Variants in IFT43 observed in about 807,000 individuals in gnomAD.
IFT43 encodes the protein intraflagellar transport 43.
IFT43 carries 33 observed loss-of-function variants against 32.3 expected under a neutral mutation model. The observed-to-expected ratio is 1.02, with a 90% CI of 0.77 to 1.37. The LOEUF (loss-of-function observed/expected upper bound fraction) is 1.37. IFT43 is among the 40% of genes most tolerant of loss of function. The probability of loss-of-function intolerance (pLI) is 0.00; values close to 1 mark genes in which losing one functional copy is unlikely to be tolerated. For missense variants in IFT43, 274 were observed against 265.9 expected, an observed-to-expected ratio of 1.03 and a Z score of -0.21; for synonymous variants, 93 against 98.2, an observed-to-expected ratio of 0.95 and a Z score of 0.31.
downstream of IFT43, chr14:76,084,067 G>A: frequency 2.3e-6 from 1 of 434,620 alleles, no homozygotes; most frequent in Non-Finnish European, 4.6e-6. Flanking sequence ...GGCGGCGGGA[G>A]GGATAAGGAG....
At chr14:76,046,449 T>A (rs1594842813) in intron 3 of IFT43, among the ~76,000 whole-genome samples, 1 of 151,576 alleles carries the variant, frequency 6.6e-6, no homozygotes, top group Non-Finnish European at 1.5e-5. Context: ...AAGTGGTGGG[T>A]CCCCAGAAGC....
intron 5 of IFT43, among the ~76,000 whole-genome samples, chr14:76,079,496 A>C (rs138435056): frequency 6.6e-6 from 1 of 152,266 alleles, no homozygotes; most frequent in East Asian, 1.9e-4. Context: ...AAGTCACACA[A>C]CTAGTAGGTC....
intron 2 of IFT43, among the ~76,000 whole-genome samples, chr14:76,021,549 C>G (rs1386945797): frequency 1.3e-5 from 2 of 152,122 alleles, no homozygotes; most frequent in Non-Finnish European, 2.9e-5. Context: ...TAAAATGTAT[C>G]AAACTTTCTT....
intron 3 of IFT43, among the ~76,000 whole-genome samples, chr14:76,050,806 T>G (rs755793488): frequency 2.0e-5 from 3 of 152,154 alleles, no homozygotes; most frequent in Non-Finnish European, 2.9e-5. Flanking sequence ...AATAAAAAAA[T>G]GTTCATTTGA....
rs765534950 is a variant in IFT43, at chr14:75,985,851, A to G, written c.54+11A>G. On this transcript the variant is annotated intron_variant, in intron 1 of 8. Transcript: ENST00000314067. ...AGCTTGGCTACCTCCGTGAGGACCA[A>G]TTCGGGGGCCTTGGGGGCCAGGATT... 6 of 1,613,582 alleles carry G rather than the reference A, an allele frequency of 3.7e-6. No homozygotes were observed. Among genetic ancestry groups the G allele is most frequent in the South Asian group, 1.1e-5 (1 of 91,048 alleles).
At chr14:76,057,528 G>A (rs1472354063) in intron 3 of IFT43, among the ~76,000 whole-genome samples, 5 of 144,476 alleles carry the variant, frequency 3.5e-5, no homozygotes, top group African/African-American at 1.3e-4. Flanking sequence ...ACTGTGCCTG[G>A]CTGAAATTTT....
At chr14:76,075,485 T>G (rs889494938) in intron 5 of IFT43, among the ~76,000 whole-genome samples, 2 of 152,234 alleles carry the variant, frequency 1.3e-5, no homozygotes, top group African/African-American at 4.8e-5. Flanking sequence ...TTTTAAAAAA[T>G]TCTCCATTTT....
chr14:75,992,309 G>A (rs1221380879), intron 2 of IFT43, among the ~76,000 whole-genome samples: 2 of 152,178 alleles, frequency 1.3e-5, no homozygotes, highest in Non-Finnish European at 2.9e-5. Context: ...TGATATGGGG[G>A]CAAGTGAGAT....
At chr14:75,985,945 C>T (rs1042180646) in intron 1 of IFT43, 105 bp downstream of exon 1, 348 of 1,545,604 alleles carry the variant, frequency 2.3e-4, no homozygotes, top group Non-Finnish European at 2.8e-4. Context: ...GCAGGCCTCG[C>T]GCCGCGCCGG....
intron 2 of IFT43, among the ~76,000 whole-genome samples, chr14:75,998,915 T>G (rs1269190110): frequency 6.6e-6 from 1 of 152,146 alleles, no homozygotes; most frequent in African/African-American, 2.4e-5. Context: ...TTTTATTTTT[T>G]GTAGAGACAA....
chr14:75,996,410 T>C (rs559343187), intron 2 of IFT43, among the ~76,000 whole-genome samples: 1 of 152,340 alleles, frequency 6.6e-6, no homozygotes, highest in African/African-American at 2.4e-5. Flanking sequence ...TATAAAGCTC[T>C]TAGAGCAGTG....
chr14:76,010,250 G>A (rs1198531038), intron 2 of IFT43, among the ~76,000 whole-genome samples: 1 of 152,218 alleles, frequency 6.6e-6, no homozygotes, highest in African/African-American at 2.4e-5. Context: ...GAGACCCCGT[G>A]TTTTGGGTGT....
chr14:76,001,698 G>A (rs1337472528), intron 2 of IFT43, among the ~76,000 whole-genome samples: 8 of 152,222 alleles, frequency 5.3e-5, no homozygotes, highest in Admixed American at 4.6e-4. Context: ...CACAGAGTGA[G>A]TAATTTATGA....
intron 5 of IFT43, among the ~76,000 whole-genome samples, chr14:76,071,319 T>C (rs2037316615): frequency 1.3e-5 from 2 of 152,228 alleles, no homozygotes; most frequent in Non-Finnish European, 2.9e-5. Flanking sequence ...CCAGGCGTTA[T>C]GCCGACTGCT....
rs2037092281 is a variant in IFT43 at position 76,059,629 on chromosome 14, C to T, written c.295+256C>T. The stretch of plus-strand genomic sequence containing the variant: ...GCATCACTTCCCCTGAAACATCTTC[C>T]CTTCCCATCCCACTCCCTCTCTCAC... On this transcript the variant is annotated intron_variant, in intron 5 of 8. Transcript: ENST00000314067. 8 of 497,612 alleles carry T rather than the reference C, an allele frequency of 1.6e-5. No individual in the cohort carries two copies. The South Asian group carries it at 1.6e-4, about 10-fold the overall frequency. 30.8% of individuals were successfully genotyped at this position (497,612 alleles called of 1,614,324 possible).
chr14:76,038,561 T>G (rs890668868), intron 3 of IFT43, among the ~76,000 whole-genome samples: 1 of 152,206 alleles, frequency 6.6e-6, no homozygotes, highest in Non-Finnish European at 1.5e-5. Flanking sequence ...AAGAGCTAGA[T>G]AAGTTTTTAT....
At chr14:76,038,894 C>G (rs2036654668) in intron 3 of IFT43, among the ~76,000 whole-genome samples, 1 of 152,020 alleles carries the variant, frequency 6.6e-6, no homozygotes, top group Non-Finnish European at 1.5e-5. Context: ...ATCTGTGGAG[C>G]CTGTTCCCTG....
At position 76,006,855 on chromosome 14, in the gene IFT43, ATT is replaced by A. The variant is rs35845700; in HGVS notation, c.148-15453_148-15452del. Among the ~76,000 whole-genome samples, 149 of 124,368 alleles carry A rather than the reference ATT, an allele frequency of 1.2e-3. 1 individual carries two copies. Among genetic ancestry groups the A allele is most frequent in the African/African-American group, 3.7e-3 (123 of 33,434 alleles). The allele number at this position is 124,368 out of a possible 152,430, so 81.6% of individuals were successfully genotyped here. ...AATATTTTTTAGGATTACTGGGGAC[ATT>A]TTTTTTTTTTTTTTTTTTGAGACAG... On this transcript the variant is annotated intron_variant, in intron 2 of 8. Coordinates refer to ENST00000314067, the MANE Select transcript of IFT43 (RefSeq NM_001102564.3).
At chr14:75,988,580 A>G (rs2035575210) in intron 1 of IFT43, among the ~76,000 whole-genome samples, 1 of 152,052 alleles carries the variant, frequency 6.6e-6, no homozygotes, top group African/African-American at 2.4e-5. Context: ...GTGCAGTGGC[A>G]CAATTTCGGC....
Sources: allele counts gnomAD v4.1 joint callset (sites outside exome capture counted in the v4.1 genomes callset), GRCh38; gene constraint gnomAD v4.1.1; transcripts MANE v1.5; gene names NCBI Gene and HGNC (gene_info 2026-07-23, HGNC 2026-07-21).